XRRA1: variants seen among roughly 807,000 people sequenced by gnomAD.
XRRA1 encodes the protein X-ray radiation resistance associated 1.
Under a neutral mutation model 80.2 loss-of-function variants are expected in XRRA1, and 69 were observed. That is an observed-to-expected ratio of 0.86 (90% CI 0.71 to 1.05). The LOEUF is 1.05. XRRA1 is among the 50% of genes least tolerant of loss of function. XRRA1 has a pLI of 0.00. For missense variants in XRRA1, 967 were observed against 976.4 expected (o/e 0.99, Z 0.13); for synonymous variants, 348 against 389.9 (o/e 0.89, Z 1.27).
intron 10 of XRRA1, among the ~76,000 whole-genome samples, chr11:74,897,752 T>C (rs975827481): frequency 7.1e-6 from 1 of 141,318 alleles, no homozygotes; most frequent in Non-Finnish European, 1.6e-5. Context: ...CCCAGAATAG[T>C]AGATCCAGTG....
chr11:74,905,211 A>G (rs531953408), intron 10 of XRRA1, among the ~76,000 whole-genome samples: 1 of 152,016 alleles, frequency 6.6e-6, no homozygotes, highest in African/African-American at 2.4e-5. Context: ...CTAATTTTTT[A>G]ATTTTTTATA....
intron 10 of XRRA1, among the ~76,000 whole-genome samples, chr11:74,891,998 C>G (rs1230138533): frequency 6.6e-6 from 1 of 152,160 alleles, no homozygotes; most frequent in East Asian, 1.9e-4. Flanking sequence ...TTTATAGATT[C>G]AATGCCATCT....
intron 10 of XRRA1, among the ~76,000 whole-genome samples, chr11:74,900,580 C>T (rs1204043652): frequency 7.3e-6 from 1 of 137,440 alleles, no homozygotes; most frequent in Non-Finnish European, 1.6e-5. Context: ...GAAACTCCAT[C>T]TCAAGAAAAA....
intron 10 of XRRA1, among the ~76,000 whole-genome samples, chr11:74,901,293 A>G (rs2053536050): frequency 6.6e-6 from 1 of 152,220 alleles, no homozygotes; most frequent in Non-Finnish European, 1.5e-5. Context: ...ATTGAAAAGG[A>G]CACATAAAAA....
chr11:74,882,731 G>C (rs374951533), intron 10 of XRRA1, among the ~76,000 whole-genome samples: 6 of 152,024 alleles, frequency 3.9e-5, no homozygotes, highest in African/African-American at 9.7e-5. Flanking sequence ...TTCTAACAGA[G>C]AGGACCCTCA....
rs753113468 is a variant in XRRA1 at position 74,921,270 on chromosome 11, C to G, written c.600G>C (p.Leu200=). 34 of 1,613,808 alleles carry G rather than the reference C, an allele frequency of 2.1e-5. No individual in the cohort carries two copies. In the South Asian group the frequency reaches 3.0e-4, roughly 14 times the overall value. Residue 200 remains leucine (L), a synonymous_variant, in exon 8 of 19, where the codon CTG becomes CTC. Transcript: ENST00000684022. ...DLGILPHLRV[L]LLTGNGLTSL... ...AGGTAAGGCCATTGCCTGTGAGGAGCAGGACACGGAGGTGTGGCAGAATCC... is the reference window on the plus strand; with the variant it reads ...AGGTAAGGCCATTGCCTGTGAGGAGGAGGACACGGAGGTGTGGCAGAATCC...
At chr11:74,894,390 G>A (rs1565348554) in intron 10 of XRRA1, among the ~76,000 whole-genome samples, 1 of 152,092 alleles carries the variant, frequency 6.6e-6, no homozygotes, top group Admixed American at 6.6e-5. Context: ...TAATGAACTT[G>A]TACATGTACC....
chr11:74,886,543 G>C (rs1454185562), intron 10 of XRRA1, among the ~76,000 whole-genome samples: 5 of 148,492 alleles, frequency 3.4e-5, no homozygotes, highest in Admixed American at 6.7e-5. Context: ...TATAAAACAC[G>C]GCTTAAAAAA....
chr11:74,900,563 C>G (rs1486517920), intron 10 of XRRA1, among the ~76,000 whole-genome samples: 17 of 150,466 alleles, frequency 1.1e-4, no homozygotes, highest in Admixed American at 1.1e-3. Context: ...GCCTTGGCAA[C>G]AAGAGTGAAA....
At chr11:74,851,913 G>A (rs2135569485) in intron 13 of XRRA1, 76 bp downstream of exon 13, 4 of 1,250,842 alleles carry the variant, frequency 3.2e-6, no homozygotes, top group Non-Finnish European at 4.7e-6. Flanking sequence ...GCTTGGCATT[G>A]ATGAGGTGGG....
chr11:74,927,943 C>T (rs182957200), intron 6 of XRRA1, among the ~76,000 whole-genome samples: 25 of 152,276 alleles, frequency 1.6e-4, no homozygotes, highest in African/African-American at 5.8e-4. Flanking sequence ...TATCAAAATA[C>T]ATACCTCTTT....
rs534869656 is a variant in XRRA1 at position 74,926,790 on chromosome 11, G to A, written c.522+601C>T. ...AAATTTTCTGTATTTTCTAATTTGC[G>A]GTTTGAAGAACAGCTGTGAATGTAC... On this transcript the variant is annotated intron_variant, in intron 7 of 18. Coordinates refer to ENST00000684022, the MANE Select transcript of XRRA1 (RefSeq NM_001378157.1). Among the ~76,000 whole-genome samples the A allele has an allele frequency of 5.3e-5, 8 of 152,052 alleles. No homozygotes were observed. In the South Asian group the frequency reaches 8.3e-4, roughly 16 times the overall value.
At chr11:74,882,186 T>C (rs575593324) in intron 10 of XRRA1, among the ~76,000 whole-genome samples, 120 of 152,302 alleles carry the variant, frequency 7.9e-4, no homozygotes, top group African/African-American at 2.8e-3. Context: ...TAGTCCCATA[T>C]TTCTTGGAGG....
chr11:74,897,708 AAAAAAAAAAAAAAAG>A (rs1345775207), intron 10 of XRRA1, among the ~76,000 whole-genome samples: 1 of 147,490 alleles, frequency 6.8e-6, no homozygotes, highest in East Asian at 1.9e-4. Flanking sequence ...TAAACTGCTA[AAAAAAAAAAAAAAAG>A]AAAAAAAAAA....
intron 10 of XRRA1, among the ~76,000 whole-genome samples, chr11:74,873,800 C>T (rs1417280242): frequency 6.6e-6 from 1 of 152,162 alleles, no homozygotes; most frequent in East Asian, 1.9e-4. Flanking sequence ...GGGACCAGAG[C>T]ATTAGGGGAA....
Position 74,843,337 on chromosome 11 carries a change from G to C in XRRA1, c.2266C>G (p.Leu756Val), listed in dbSNP as rs767165525. The change falls in exon 19 of 19, where the codon CTG (leucine) becomes GTG (valine). Residue 756 changes from leucine (L) to valine (V), a missense_variant. Physicochemically the swap from Leu to Val is conservative, Grantham distance 32. Transcript: ENST00000684022. Reference protein sequence around the residue: ...ARYRQLVSGSLRTVFGTTPLP... With the variant: ...ARYRQLVSGSVRTVFGTTPLP... ...GGGGTAGTCCCGAACACTGTGCGCA[G>C]AGAGCCACTCACCAGCTGCCGGTAA... is the stretch of plus-strand genomic sequence containing the variant. 13 of 1,609,636 alleles carry C rather than the reference G, an allele frequency of 8.1e-6. No homozygotes were observed. The highest frequency in any genetic ancestry group is 1.1e-5 in the Non-Finnish European group (13 of 1,178,162).
rs2036548188 is a variant in XRRA1, at chr11:74,841,548, A to T, written c.*1652T>A. ...TTTTTTCCTCTTAAGAAAAAAATTTACTCTCTCTCCTTTGTGAGTAAATGC... is the reference window on the plus strand; with the variant it reads ...TTTTTTCCTCTTAAGAAAAAAATTTTCTCTCTCTCCTTTGTGAGTAAATGC... On this transcript the variant is annotated 3_prime_UTR_variant, in exon 19 of 19. Coordinates refer to ENST00000684022, the MANE Select transcript of XRRA1 (RefSeq NM_001378157.1). The T allele has an allele frequency of 1.3e-5, 2 of 152,150 alleles. No homozygotes were observed. The highest frequency in any genetic ancestry group is 4.1e-4 in the South Asian group (2 of 4,828). The allele number at this position is 152,150 out of a possible 1,614,324, so 9.4% of individuals were successfully genotyped here.
intron 7 of XRRA1, among the ~76,000 whole-genome samples, chr11:74,922,696 G>A (rs1941204715): frequency 6.6e-6 from 1 of 152,194 alleles, no homozygotes. Flanking sequence ...TACCCTCAGA[G>A]AAGGACTGGG....
chr11:74,939,056 T>A (rs1016595970), intron 3 of XRRA1, among the ~76,000 whole-genome samples: 1 of 152,178 alleles, frequency 6.6e-6, no homozygotes, highest in Non-Finnish European at 1.5e-5. Context: ...GGAATTCTAC[T>A]ATAAGAAAGA....
Sources: gnomAD v4.1 joint callset for allele counts (sites outside exome capture counted in the v4.1 genomes callset) on GRCh38, gnomAD v4.1.1 for gene constraint, MANE v1.5 for transcripts, NCBI Gene and HGNC (gene_info 2026-07-23, HGNC 2026-07-21) for gene names.